The following ARHGEF12 variants were observed in gnomAD, a reference collection of about 807,000 sequenced individuals.
ARHGEF12 encodes the protein Rho guanine nucleotide exchange factor 12, also known as KMT2A/ARHGEF12 fusion protein.
Under a neutral mutation model 211.2 loss-of-function variants are expected in ARHGEF12, and 66 were observed. The ratio of observed to expected loss-of-function variants is 0.31; its 90% CI spans 0.26 to 0.38. The LOEUF is 0.38. ARHGEF12 is among the 10% of genes least tolerant of loss of function. ARHGEF12 has a pLI of 1.00. For synonymous variants in ARHGEF12, 592 were observed against 638.4 expected, an observed-to-expected ratio of 0.93 and a Z score of 1.09; for missense variants, 1,429 against 1,869.5, an observed-to-expected ratio of 0.76 and a Z score of 4.34.
At chr11:120,449,360 T>C (rs1946136544) in intron 21 of ARHGEF12, 146 bp downstream of exon 21, 1 of 653,664 alleles carries the variant, frequency 1.5e-6, no homozygotes, top group African/African-American at 1.8e-5. Flanking sequence ...CCATTCAGCG[T>C]TATTTCTGAA....
intron 1 of ARHGEF12, among the ~76,000 whole-genome samples, chr11:120,339,015 T>TC (rs1942448014): frequency 6.7e-6 from 1 of 149,910 alleles, no homozygotes; most frequent in African/African-American, 2.4e-5. Flanking sequence ...CTTTTTTTTT[T>TC]TTTTTTTTGG....
At chr11:120,358,386 A>G (rs903022717) in intron 1 of ARHGEF12, among the ~76,000 whole-genome samples, 1 of 152,158 alleles carries the variant, frequency 6.6e-6, no homozygotes, top group Non-Finnish European at 1.5e-5. Context: ...AATACTTAGC[A>G]AGATAGGGAA....
Position 120,447,320 on chromosome 11 carries a change from A to T in ARHGEF12, c.1589+235A>T, listed in dbSNP as rs1308485450. 9.9e-6 allele frequency: 4 copies of T among 403,174 alleles called. No individual in the cohort carries two copies. The East Asian group carries it at 1.6e-4, about 16-fold the overall frequency. 25.0% of individuals were successfully genotyped at this position (403,174 alleles called of 1,614,324 possible). ...ATGGGTAACTCTAAAACTTCTAATC[A>T]GTGATCAAAAACAGGTTGATTACTT... On this transcript the variant is annotated intron_variant, in intron 18 of 40. Transcript: ENST00000397843.
intron 1 of ARHGEF12, among the ~76,000 whole-genome samples, chr11:120,349,432 C>T (rs1942866868): frequency 3.3e-5 from 5 of 151,804 alleles, no homozygotes; most frequent in Admixed American, 3.3e-4. Context: ...TATCTCAGCC[C>T]TTAATTATGT....
At chr11:120,477,120 GGTTGAT>G in intron 34 of ARHGEF12, 93 bp from the exon 35 acceptor site, 20 of 757,402 alleles carry the variant, frequency 2.6e-5, no homozygotes, top group Non-Finnish European at 3.8e-5. Context: ...TGTTGTTGTT[GGTTGAT>G]TTGGTTTTTG....
At position 120,446,930 on chromosome 11, in the gene ARHGEF12, C is replaced by T; in HGVS notation, c.1452-18C>T. On this transcript the variant is annotated intron_variant, in intron 17 of 40. Coordinates refer to ENST00000397843, the MANE Select transcript of ARHGEF12 (RefSeq NM_015313.3). The stretch of plus-strand genomic sequence containing the variant: ...TTTTTCTTTAGGCTACCTCAGGAAA[C>T]TTCTCTATTCCCTTCAGGCAGAAAC... The T allele has an allele frequency of 6.2e-7, 1 of 1,606,752 alleles. No individual in the cohort carries two copies. Among genetic ancestry groups the T allele is most frequent in the Non-Finnish European group, 8.5e-7 (1 of 1,176,912 alleles).
At chr11:120,424,440 T>G in intron 7 of ARHGEF12, 25 bp downstream of exon 7, 1 of 1,607,312 alleles carries the variant, frequency 6.2e-7, no homozygotes, top group South Asian at 1.1e-5. Context: ...TTCTTAGTTT[T>G]AATTGTTTTC....
intron 1 of ARHGEF12, among the ~76,000 whole-genome samples, chr11:120,343,906 A>G (rs896207100): frequency 6.6e-6 from 1 of 152,212 alleles, no homozygotes; most frequent in Non-Finnish European, 1.5e-5. Flanking sequence ...ACATTCATAT[A>G]CTCAAAAGAT....
chr11:120,344,226 A>T (rs1942625066), intron 1 of ARHGEF12, among the ~76,000 whole-genome samples: 1 of 135,214 alleles, frequency 7.4e-6, no homozygotes, highest in Admixed American at 9.2e-5. Flanking sequence ...AGATTGCACC[A>T]CTGCACTCCT....
In ARHGEF12 at chr11:120,489,682, G is replaced by A. The variant is rs767575533; in HGVS notation, c.*4605G>A. The A allele has an allele frequency of 1.2e-4, 24 of 207,612 alleles. No homozygotes were observed. Among genetic ancestry groups the A allele is most frequent in the South Asian group, 3.8e-4 (2 of 5,280 alleles). 12.9% of individuals were successfully genotyped at this position (207,612 alleles called of 1,614,324 possible). A position where few individuals can be genotyped will look rare whatever the true frequency, so the allele number is the denominator to read the frequency against. On this transcript the variant is annotated 3_prime_UTR_variant, in exon 41 of 41. Transcript: ENST00000397843. ...CATTTGGCTGACGGAGCTAATAAGC[G>A]TAATAAAATGCTTAGTAGTTTATAC...
rs1253021729 is a variant in ARHGEF12 at position 120,480,351 on chromosome 11, A to AG, written c.4159dup (p.Ala1387GlyfsTer3). On this transcript the variant is annotated frameshift_variant, in exon 38 of 41. Transcript: ENST00000397843. LOFTEE classifies it high-confidence loss of function. ...GAGAGCACTTTTTTGATGCCCGTGAAGCACATAGTGATGAGAATCCATCAG... is the reference window on the plus strand; with the variant it reads ...GAGAGCACTTTTTTGATGCCCGTGAAGGCACATAGTGATGAGAATCCATCAG... 6.2e-7 allele frequency: 1 copy of AG among 1,614,118 alleles called. No homozygotes were observed. Among genetic ancestry groups the AG allele is most frequent in the Non-Finnish European group, 8.5e-7 (1 of 1,180,040 alleles).
In ARHGEF12 at chr11:120,477,450, A is replaced by C; in HGVS notation, c.3456A>C (p.Gly1152=). 1 of 1,440,944 alleles carries C rather than the reference A, an allele frequency of 6.9e-7. No individual in the cohort carries two copies. Among genetic ancestry groups the C allele is most frequent in the Non-Finnish European group, 9.7e-7 (1 of 1,029,832 alleles). 89.3% of individuals were successfully genotyped at this position (1,440,944 alleles called of 1,614,324 possible). Residue 1152 remains glycine (G), a synonymous_variant, in exon 36 of 41, where the codon GGA becomes GGC. Coordinates refer to ENST00000397843, the MANE Select transcript of ARHGEF12 (RefSeq NM_015313.3). ...IPLPQSTPGE[G]DNDEEDPSKL... ...TTTTTTTTTTTTTTCTCTACAGAGG[A>C]GATAATGATGAAGAAGATCCTTCAA...
intron 1 of ARHGEF12, among the ~76,000 whole-genome samples, chr11:120,399,341 A>AAAAAAAAAAAAAAAAAAG (rs1944488373): frequency 6.7e-6 from 1 of 149,296 alleles, no homozygotes; most frequent in African/African-American, 2.5e-5. Context: ...AAAAAAAAAA[A>AAAAAAAAAAAAAAAAAAG]AAAAAAAAAA....
intron 4 of ARHGEF12, among the ~76,000 whole-genome samples, chr11:120,418,485 G>C (rs1008040159): frequency 6.6e-6 from 1 of 152,126 alleles, no homozygotes; most frequent in South Asian, 2.1e-4. Context: ...CTAGTTTTGG[G>C]CTCTTATGAA....
At chr11:120,415,858 G>C (rs1945012428) in intron 4 of ARHGEF12, among the ~76,000 whole-genome samples, 2 of 152,146 alleles carry the variant, frequency 1.3e-5, no homozygotes, top group Admixed American at 1.3e-4. Flanking sequence ...TTGGTCTACT[G>C]ATTTAAAGTA....
Position 120,478,247 on chromosome 11 carries a change from G to T in ARHGEF12, c.3624G>T (p.Leu1208=), listed in dbSNP as rs1391092771. ...CTGGGAAATCAGAGGTACGTGATCT[G>T]TTTGTGGCTGAGAGACAGTTTGCAA... ...STSGKSEVRD[L]FVAERQFAKE... Residue 1208 remains leucine (L), a synonymous_variant, in exon 37 of 41, where the codon CTG becomes CTT. Transcript: ENST00000397843. 6.2e-7 allele frequency: 1 copy of T among 1,614,154 alleles called. No individual in the cohort carries two copies. Among genetic ancestry groups the T allele is most frequent in the South Asian group, 1.1e-5 (1 of 91,080 alleles).
chr11:120,484,594 C>T (rs1378717645), intron 40 of ARHGEF12, 87 bp downstream of exon 40: 2 of 1,177,618 alleles, frequency 1.7e-6, no homozygotes, highest in East Asian at 2.4e-5. Flanking sequence ...TGAAAACCTT[C>T]TGAGATTCCA....
Position 120,380,997 on chromosome 11 carries a change from G to A in ARHGEF12, c.33-25121G>A, listed in dbSNP as rs530552123. ...TTTTGTTTTTTGAACATCTCCTGAC[G>A]TGGTACTAGAAGATGCTCCAGGCTC... On this transcript the variant is annotated intron_variant, in intron 1 of 40. Coordinates refer to ENST00000397843, the MANE Select transcript of ARHGEF12 (RefSeq NM_015313.3). 1.6e-4 allele frequency among the ~76,000 whole-genome samples: 24 copies of A among 152,206 alleles called. No homozygotes were observed. In the South Asian group the frequency reaches 4.6e-3, roughly 29 times the overall value.
At chr11:120,471,759 G>T (rs1223067384) in intron 30 of ARHGEF12, among the ~76,000 whole-genome samples, 1 of 152,080 alleles carries the variant, frequency 6.6e-6, no homozygotes, top group African/African-American at 2.4e-5. Flanking sequence ...AAAACAAATA[G>T]AGCAAATGTT....
Sources: gnomAD v4.1 joint callset for allele counts (sites outside exome capture counted in the v4.1 genomes callset) on GRCh38, gnomAD v4.1.1 for gene constraint, MANE v1.5 for transcripts, NCBI Gene and HGNC (gene_info 2026-07-23, HGNC 2026-07-21) for gene names.